Variants in RHOT1 observed in about 807,000 individuals in gnomAD.
The protein encoded by RHOT1 is ras homolog family member T1, also known as mitochondrial Rho GTPase 1.
Under a neutral mutation model 95.3 loss-of-function variants are expected in RHOT1, and 27 were observed. That is an observed-to-expected ratio of 0.28 (90% CI 0.21 to 0.39). The LOEUF (loss-of-function observed/expected upper bound fraction) is 0.39, where lower values mean the gene tolerates loss of function less well. Ranked by LOEUF, RHOT1 falls within the 10% of genes least tolerant of loss-of-function variation. RHOT1 has a pLI of 1.00. For synonymous variants in RHOT1, 227 were observed against 263.5 expected, an observed-to-expected ratio of 0.86 and a Z score of 1.34; for missense variants, 578 against 786.7, an observed-to-expected ratio of 0.73 and a Z score of 3.17.
At chr17:32,167,676 A>C (rs58851499) in intron 1 of RHOT1, among the ~76,000 whole-genome samples, 1,724 of 152,342 alleles carry the variant, frequency 0.011, 34 homozygotes, top group African/African-American at 0.039. Flanking sequence ...TATCCTTTTA[A>C]GCATTGAAAC....
At chr17:32,223,418 T>C (rs770751635) in intron 19 of RHOT1, among the ~76,000 whole-genome samples, 2 of 138,064 alleles carry the variant, frequency 1.4e-5, no homozygotes, top group East Asian at 4.1e-4. Flanking sequence ...CTTTTCTTTC[T>C]TTTTTTTTTT....
At chr17:32,206,070 T>G (rs1372269360) in intron 16 of RHOT1, among the ~76,000 whole-genome samples, 2 of 152,144 alleles carry the variant, frequency 1.3e-5, no homozygotes, top group Non-Finnish European at 2.9e-5. Context: ...TTCTTAGATG[T>G]GTACCATGGG....
rs530438905 is a variant in RHOT1, at chr17:32,159,833, A to G, written c.38-11210A>G. 2.0e-5 allele frequency: 3 copies of G among 152,480 alleles called. No individual in the cohort carries two copies. In the East Asian group the frequency reaches 5.8e-4, roughly 29 times the overall value. 9.4% of individuals were successfully genotyped at this position (152,480 alleles called of 1,614,324 possible). ...CAGCTTGAATGCCAGCAGGAGGCAG[A>G]CAGGCTCCTGGGCAGAAGGGGGCAG... On this transcript the variant is annotated intron_variant, in intron 1 of 19. Transcript: ENST00000545287.
In RHOT1 at chr17:32,142,513, G is replaced by T; in HGVS notation, c.-180G>T. Reference sequence around the variant, plus strand: ...CCGCCGCCGCCGCCACAGCCCGCTGGGCCGGAGGAGGCGGAGCTGGCGCTG... The same window carrying T: ...CCGCCGCCGCCGCCACAGCCCGCTGTGCCGGAGGAGGCGGAGCTGGCGCTG... On this transcript the variant is annotated 5_prime_UTR_variant, in exon 1 of 20. Transcript: ENST00000545287. 2.2e-6 allele frequency: 1 copy of T among 445,736 alleles called. No individual in the cohort carries two copies. 27.6% of individuals were successfully genotyped at this position (445,736 alleles called of 1,614,324 possible). A position where few individuals can be genotyped will look rare whatever the true frequency, so the allele number is the denominator to read the frequency against.
intron 15 of RHOT1, 131 bp from the exon 16 acceptor site, chr17:32,203,759 T>C: frequency 1.5e-6 from 1 of 661,516 alleles, no homozygotes; most frequent in Non-Finnish European, 2.7e-6. Context: ...TCCTTTGTAC[T>C]GATAAATAGT....
At chr17:32,192,140 C>G (rs755506047) in intron 8 of RHOT1, 61 bp from the exon 9 acceptor site, 6 of 825,586 alleles carry the variant, frequency 7.3e-6, no homozygotes, top group Non-Finnish European at 1.2e-5. Context: ...CAGAATTATT[C>G]TCAGCATTGC....
At chr17:32,147,812 C>T (rs934779360) in intron 1 of RHOT1, among the ~76,000 whole-genome samples, 6 of 149,062 alleles carry the variant, frequency 4.0e-5, no homozygotes, top group African/African-American at 1.5e-4. Flanking sequence ...GAGTGAGACT[C>T]CATTTCAAAA....
rs1345448963 is a variant in RHOT1, at chr17:32,154,268, C to T, written c.37+11539C>T. ...CCAGCCTGGACAACATAGGGAGACC[C>T]CGTCTCTACGAGAAATTAAAAAAAA... On this transcript the variant is annotated intron_variant, in intron 1 of 19. Coordinates refer to ENST00000545287, the MANE Select transcript of RHOT1 (RefSeq NM_001033566.3). 3.4e-5 allele frequency among the ~76,000 whole-genome samples: 5 copies of T among 145,944 alleles called. No individual in the cohort carries two copies. In the South Asian group the frequency reaches 6.4e-4, roughly 19 times the overall value.
At chr17:32,151,129 C>T (rs1198667976) in intron 1 of RHOT1, 1 of 846,774 alleles carries the variant, frequency 1.2e-6, no homozygotes. Flanking sequence ...TTTACCATGA[C>T]ACTGGGTTCT....
At chr17:32,145,356 G>A (rs2031159358) in intron 1 of RHOT1, among the ~76,000 whole-genome samples, 1 of 152,040 alleles carries the variant, frequency 6.6e-6, no homozygotes, top group African/African-American at 2.4e-5. Flanking sequence ...TTTTAATGGA[G>A]TCTTCTTTTT....
chr17:32,214,069 G>T (rs755030041), intron 19 of RHOT1, among the ~76,000 whole-genome samples: 16 of 152,086 alleles, frequency 1.1e-4, no homozygotes, highest in African/African-American at 3.6e-4. Context: ...CCTTATCCCC[G>T]TTAGTATTTC....
At chr17:32,175,384 TGTGGGGTTTTGTGTAGAAAAACA>T (rs1335661850) in intron 4 of RHOT1, 22 bp downstream of exon 4, 1 of 1,595,704 alleles carries the variant, frequency 6.3e-7, no homozygotes, top group East Asian at 2.2e-5. Context: ...AAAACAGAGG[TGTGGGGTTTTGTGTAGAAAAACA>T]GTGATGATTT....
chr17:32,151,054 G>A lies in RHOT1; in HGVS notation c.37+8325G>A, dbSNP rs1598284046. ...AGAGGGGAGATTGTGGTCTGTTCTT[G>A]GAGAAGGCATTCCAGGCTTCTCCTG... On this transcript the variant is annotated intron_variant, in intron 1 of 19. Coordinates refer to ENST00000545287, the MANE Select transcript of RHOT1 (RefSeq NM_001033566.3). 4 of 1,358,212 alleles carry A rather than the reference G, an allele frequency of 2.9e-6. 1 individual carries two copies. In the South Asian group the frequency reaches 5.0e-5, roughly 17 times the overall value. 84.1% of individuals were successfully genotyped at this position (1,358,212 alleles called of 1,614,324 possible).
chr17:32,156,420 C>G (rs377549957), intron 1 of RHOT1, among the ~76,000 whole-genome samples: 12 of 152,344 alleles, frequency 7.9e-5, no homozygotes, highest in African/African-American at 2.9e-4. Context: ...GCACACGCCA[C>G]CATGCCTGGC....
At chr17:32,170,430 T>G (rs1321084543) in intron 1 of RHOT1, among the ~76,000 whole-genome samples, 2 of 152,074 alleles carry the variant, frequency 1.3e-5, no homozygotes, top group Non-Finnish European at 2.9e-5. Flanking sequence ...AAAAAAGAGA[T>G]TTAAAAAAAT....
chr17:32,173,769 A>G (rs2034771553), intron 2 of RHOT1, 62 bp from the exon 3 acceptor site: 1 of 1,114,630 alleles, frequency 9.0e-7, no homozygotes, highest in East Asian at 2.3e-5. Context: ...ATCATCTATT[A>G]CAAGTTTGAG....
chr17:32,148,418 A>T (rs2031713515), intron 1 of RHOT1, among the ~76,000 whole-genome samples: 1 of 152,260 alleles, frequency 6.6e-6, no homozygotes, highest in Non-Finnish European at 1.5e-5. Context: ...GTTCGTACAG[A>T]GTCCTTTCTA....
intron 1 of RHOT1, among the ~76,000 whole-genome samples, chr17:32,161,826 T>C (rs1452187801): frequency 6.6e-6 from 1 of 152,216 alleles, no homozygotes; most frequent in African/African-American, 2.4e-5. Context: ...ATTCAGGGCT[T>C]CCTACTACCC....
rs534813974 is a variant in RHOT1 at position 32,218,573 on chromosome 17, C to T, written c.1863-6043C>T. Among the ~76,000 whole-genome samples, 4 of 150,670 alleles carry T rather than the reference C, an allele frequency of 2.7e-5. No homozygotes were observed. The South Asian group carries it at 8.5e-4, about 32-fold the overall frequency. On this transcript the variant is annotated intron_variant, in intron 19 of 19. Transcript: ENST00000545287. ...TCATAATTTGAGCACTTTTGGAGATCGAGACAGTAGGATTCTGTAAGCCCA... is the reference window on the plus strand; with the variant it reads ...TCATAATTTGAGCACTTTTGGAGATTGAGACAGTAGGATTCTGTAAGCCCA...
Sources: gnomAD v4.1 joint callset for allele counts (sites outside exome capture counted in the v4.1 genomes callset) on GRCh38, gnomAD v4.1.1 for gene constraint, MANE v1.5 for transcripts, NCBI Gene and HGNC (gene_info 2026-07-23, HGNC 2026-07-21) for gene names.